The following TMEM115 variants were observed in gnomAD, a reference collection of about 807,000 sequenced individuals.
The protein encoded by TMEM115 is PP6.
TMEM115 carries 8 observed loss-of-function variants against 20.1 expected under a neutral mutation model. The observed-to-expected ratio is 0.40, with a 90% CI of 0.23 to 0.72. The LOEUF (loss-of-function observed/expected upper bound fraction) is 0.72. Among genes scored for constraint, TMEM115 ranks in the 30% least tolerant of loss-of-function variants. The pLI, the probability that TMEM115 is intolerant of heterozygous loss-of-function variation, is 0.39. For missense variants in TMEM115, 374 were observed against 455.1 expected (o/e 0.82, Z 1.62); for synonymous variants, 229 against 206.2 (o/e 1.11, Z -0.95).
Position 50,358,341 on chromosome 3 carries a change from G to A in TMEM115, c.723C>T (p.Asn241=). The A allele has an allele frequency of 8.7e-6, 14 of 1,613,908 alleles. No homozygotes were observed. Among genetic ancestry groups the A allele is most frequent in the Non-Finnish European group, 1.2e-5 (14 of 1,180,032 alleles). ...CCTTCACCAGGAGGCTGTGCACCAA[G>A]TTCGCCAGCAAACCCACCACAGGCT... The part of the protein sequence containing the change: ...ILQPVVGLLA[N]LVHSLLVKVK... Residue 241 remains asparagine, a synonymous_variant, in exon 1 of 2, where the codon AAC becomes AAT. Coordinates refer to ENST00000266025, the MANE Select transcript of TMEM115 (RefSeq NM_007024.5).
chr3:50,355,161 G>T lies in TMEM115; in HGVS notation c.*182C>A. 1 of 447,708 alleles carries T rather than the reference G, an allele frequency of 2.2e-6. No individual in the cohort carries two copies. The highest frequency in any genetic ancestry group is 2.0e-5 in the African/African-American group (1 of 49,400). The allele number at this position is 447,708 out of a possible 1,614,324, so 27.7% of individuals were successfully genotyped here. On this transcript the variant is annotated 3_prime_UTR_variant, in exon 2 of 2. Coordinates refer to ENST00000266025, the MANE Select transcript of TMEM115 (RefSeq NM_007024.5). ...AGGCTCCGGGCCTGGCATAGTGGTTGTCTGGAGTTGGAACCAGGTAGCAAG... is the reference window on the plus strand; with the variant it reads ...AGGCTCCGGGCCTGGCATAGTGGTTTTCTGGAGTTGGAACCAGGTAGCAAG...
In TMEM115 at chr3:50,355,266, T is replaced by G; in HGVS notation, c.*77A>C. ...GCCTTCTTCCCTCTCCTCAGAGCAG[T>G]CAGGTGCCCTGGAGTAGCTGAGAGG... On this transcript the variant is annotated 3_prime_UTR_variant, in exon 2 of 2. Coordinates refer to ENST00000266025, the MANE Select transcript of TMEM115 (RefSeq NM_007024.5). 2 of 1,158,400 alleles carry G rather than the reference T, an allele frequency of 1.7e-6. No individual in the cohort carries two copies. Among genetic ancestry groups the G allele is most frequent in the African/African-American group, 3.2e-5 (2 of 63,256 alleles). The allele number at this position is 1,158,400 out of a possible 1,614,324, so 71.8% of individuals were successfully genotyped here. A position where few individuals can be genotyped will look rare whatever the true frequency, so the allele number is the denominator to read the frequency against.
Position 50,358,744 on chromosome 3 carries a change from A to C in TMEM115, c.320T>G (p.Val107Gly). The C allele has an allele frequency of 6.2e-7, 1 of 1,613,470 alleles. No individual in the cohort carries two copies. Among genetic ancestry groups the C allele is most frequent in the South Asian group, 1.1e-5 (1 of 91,086 alleles). ...GAAGGCCCCCAGCAGCCCTACAGAC[A>C]CATTCACCACTGAGAAGAAGATGAG... ...ELLIFFSVVN[V>G]SVGLLGAFAY... Residue 107 changes from valine (V) to glycine (G), a missense_variant, in exon 1 of 2, where the codon GTG becomes GGG. Transcript: ENST00000266025.
At chr3:50,356,514 A>G (rs1703878422) in intron 1 of TMEM115, among the ~76,000 whole-genome samples, 1 of 152,224 alleles carries the variant, frequency 6.6e-6, no homozygotes, top group South Asian at 2.1e-4. Flanking sequence ...GAGAGGCAAC[A>G]AGGGCACAGG....
At position 50,355,260 on chromosome 3, in the gene TMEM115, G is replaced by C. The variant is rs1703849607; in HGVS notation, c.*83C>G. On this transcript the variant is annotated 3_prime_UTR_variant, in exon 2 of 2. Transcript: ENST00000266025. ...CAGCAGGCCTTCTTCCCTCTCCTCAGAGCAGTCAGGTGCCCTGGAGTAGCT... is the reference window on the plus strand; with the variant it reads ...CAGCAGGCCTTCTTCCCTCTCCTCACAGCAGTCAGGTGCCCTGGAGTAGCT... 1 of 1,109,956 alleles carries C rather than the reference G, an allele frequency of 9.0e-7. No homozygotes were observed. The highest frequency in any genetic ancestry group is 2.7e-5 in the Admixed American group (1 of 36,576). 68.8% of individuals were successfully genotyped at this position (1,109,956 alleles called of 1,614,324 possible).
rs373868314 is a variant in TMEM115 at position 50,358,818 on chromosome 3, C to T, written c.246G>A (p.Val82=). ...VWDVAISLTT[V]VVAGRLLEPL... ...GCTCCAGCAAACGCCCGGCCACCAC[C>T]ACCGTTGTCAGGCTGATGGCCACGT... The change falls in exon 1 of 2, where the codon GTG becomes GTA. Residue 82 remains valine, a synonymous_variant. Coordinates refer to ENST00000266025, the MANE Select transcript of TMEM115 (RefSeq NM_007024.5). 1.2e-6 allele frequency: 2 copies of T among 1,613,308 alleles called. No individual in the cohort carries two copies. Among genetic ancestry groups the T allele is most frequent in the African/African-American group, 2.7e-5 (2 of 75,068 alleles).
chr3:50,359,249 C>T lies in TMEM115; in HGVS notation c.-186G>A. 1 of 994,788 alleles carries T rather than the reference C, an allele frequency of 1.0e-6. No individual in the cohort carries two copies. The highest frequency in any genetic ancestry group is 1.4e-6 in the Non-Finnish European group (1 of 701,380). The allele number at this position is 994,788 out of a possible 1,614,324, so 61.6% of individuals were successfully genotyped here. The stretch of plus-strand genomic sequence containing the variant: ...CGAGGGGCCGAGTCGGGCCTTGTTG[C>T]CGGGCCGCAGCGTAGGCCCCTCGCC... On this transcript the variant is annotated 5_prime_UTR_variant, in exon 1 of 2. Coordinates refer to ENST00000266025, the MANE Select transcript of TMEM115 (RefSeq NM_007024.5).
intron 1 of TMEM115, among the ~76,000 whole-genome samples, chr3:50,356,292 G>A (rs1251227684): frequency 6.6e-6 from 1 of 152,202 alleles, no homozygotes; most frequent in Non-Finnish European, 1.5e-5. Context: ...GGGCAGGTGG[G>A]AAAGTCCAAC....
rs1559863171 is a variant in TMEM115 at position 50,358,601 on chromosome 3, C to A, written c.463G>T (p.Asp155Tyr). The A allele has an allele frequency of 1.2e-6, 2 of 1,612,240 alleles. No homozygotes were observed. Among genetic ancestry groups the A allele is most frequent in the African/African-American group, 2.7e-5 (2 of 75,026 alleles). ...TGGGGCACTCGCAGGACCACACAGT[C>A]CCCCATGGTTTGCTTGAGTGCCACC... ...VLVALKQTMG[D>Y]CVVLRVPQVR... The change falls in exon 1 of 2, where the codon GAC (aspartate) becomes TAC (tyrosine). Residue 155 changes from aspartate (D) to tyrosine (Y), a missense_variant. Physicochemically the swap from Asp to Tyr is radical, Grantham distance 160. Transcript: ENST00000266025.
chr3:50,358,447 C>A lies in TMEM115; in HGVS notation c.617G>T (p.Arg206Leu). The change falls in exon 1 of 2, where the codon CGC (arginine) becomes CTC (leucine). Residue 206 changes from arginine to leucine, a missense_variant. Arg to Leu is a moderately radical substitution (Grantham distance 102). Coordinates refer to ENST00000266025, the MANE Select transcript of TMEM115 (RefSeq NM_007024.5). ...FGLLSSWVYL[R>L]FYQRHSRGRG... ...GCCCCGGCTATGGCGCTGGTAGAAG[C>A]GAAGATATACCCAACTGGAGAGCAG... The A allele has an allele frequency of 2.5e-6, 4 of 1,613,690 alleles. No individual in the cohort carries two copies. The highest frequency in any genetic ancestry group is 3.4e-6 in the Non-Finnish European group (4 of 1,180,050).
rs923449934 is a variant in TMEM115, at chr3:50,358,307, A to G, written c.757T>C (p.Cys253Arg). Residue 253 changes from cysteine (C) to arginine (R), a missense_variant, in exon 1 of 2, where the codon TGC becomes CGC. By Grantham distance (180) the Cys-to-Arg change is radical. Coordinates refer to ENST00000266025, the MANE Select transcript of TMEM115 (RefSeq NM_007024.5). ...VHSLLVKVKI[C>R]QKTVKRYDVG... ...TCGTAGCGCTTCACCGTCTTCTGGC[A>G]TATCTTTACCTTCACCAGGAGGCTG... is the stretch of plus-strand genomic sequence containing the variant. 3.7e-6 allele frequency: 6 copies of G among 1,613,712 alleles called. No individual in the cohort carries two copies. The highest frequency in any genetic ancestry group is 4.2e-6 in the Non-Finnish European group (5 of 1,180,060).
chr3:50,355,429 A>G lies in TMEM115; in HGVS notation c.970T>C (p.Ser324Pro). 1 of 1,591,652 alleles carries G rather than the reference A, an allele frequency of 6.3e-7. No individual in the cohort carries two copies. Among genetic ancestry groups the G allele is most frequent in the Admixed American group, 1.7e-5 (1 of 57,168 alleles). Reference sequence around the variant, plus strand: ...CCTGGGGGTGTGGGAGCTTTGTCTGAGGGCAGGGGGCTGTCCACCTTGGCC... The same window carrying G: ...CCTGGGGGTGTGGGAGCTTTGTCTGGGGGCAGGGGGCTGTCCACCTTGGCC... ...SGAKVDSPLPSDKAPTPPGKG... is the reference protein window; with the variant it reads ...SGAKVDSPLPPDKAPTPPGKG... The change falls in exon 2 of 2, where the codon TCA becomes CCA. Residue 324 changes from serine (S) to proline (P), a missense_variant. Coordinates refer to ENST00000266025, the MANE Select transcript of TMEM115 (RefSeq NM_007024.5).
intron 1 of TMEM115, among the ~76,000 whole-genome samples, chr3:50,357,125 T>A (rs587730519): frequency 6.6e-6 from 1 of 152,238 alleles, no homozygotes; most frequent in Non-Finnish European, 1.5e-5. Context: ...ACCCAAGCTC[T>A]AGGGCCCAGA....
chr3:50,355,045 G>A lies in TMEM115; in HGVS notation c.*298C>T, dbSNP rs370529054. 1.3e-4 allele frequency: 40 copies of A among 308,562 alleles called. No homozygotes were observed. The East Asian group carries it at 1.9e-3, about 14-fold the overall frequency. The allele number at this position is 308,562 out of a possible 1,614,324, so 19.1% of individuals were successfully genotyped here. On this transcript the variant is annotated 3_prime_UTR_variant, in exon 2 of 2. Transcript: ENST00000266025. Reference sequence around the variant, plus strand: ...ATGTGAGGGCCGGCCCAGGAGCTGTGGCATCAGTGTCCCTGCAGCCACTTG... The same window carrying A: ...ATGTGAGGGCCGGCCCAGGAGCTGTAGCATCAGTGTCCCTGCAGCCACTTG...
At chr3:50,357,245 C>G (rs2109379736) in intron 1 of TMEM115, among the ~76,000 whole-genome samples, 1 of 152,312 alleles carries the variant, frequency 6.6e-6, no homozygotes, top group Admixed American at 6.5e-5. Context: ...GGAGTGTGTC[C>G]CACACTCAAT....
chr3:50,359,296 G>C lies in TMEM115; in HGVS notation c.-233C>G, dbSNP rs1703927496. 1.2e-5 allele frequency: 8 copies of C among 646,126 alleles called. No homozygotes were observed. The highest frequency in any genetic ancestry group is 4.4e-4 in the Middle Eastern group (1 of 2,262). 40.0% of individuals were successfully genotyped at this position (646,126 alleles called of 1,614,324 possible). A position where few individuals can be genotyped will look rare whatever the true frequency, so the allele number is the denominator to read the frequency against. On this transcript the variant is annotated 5_prime_UTR_variant, in exon 1 of 2. Transcript: ENST00000266025. ...CGCCCGGGACCTGAGGGAAGGCCCT[G>C]GACGGCTGCGGCACGCCCGCCTACC... is the stretch of plus-strand genomic sequence containing the variant.
At position 50,358,696 on chromosome 3, in the gene TMEM115, G is replaced by A. The variant is rs757806916; in HGVS notation, c.368C>T (p.Ala123Val). 5.0e-6 allele frequency: 8 copies of A among 1,613,544 alleles called. No individual in the cohort carries two copies. In the Admixed American group the frequency reaches 6.7e-5, roughly 13 times the overall value. The change falls in exon 1 of 2, where the codon GCT (alanine) becomes GTT (valine). Residue 123 changes from alanine to valine, a missense_variant. By Grantham distance (64) the Ala-to-Val change is moderately conservative. Coordinates refer to ENST00000266025, the MANE Select transcript of TMEM115 (RefSeq NM_007024.5). ...GAACAGGTAGACCAGGTTGAAGGAA[G>A]CCATGTAGGTGAGGAGGTAGGCGAA... Reference protein sequence around the residue: ...GAFAYLLTYMASFNLVYLFTV... With the variant: ...GAFAYLLTYMVSFNLVYLFTV...
rs750907228 is a variant in TMEM115, at chr3:50,358,710, G to A, written c.354C>T (p.Leu118=). The change falls in exon 1 of 2, where the codon CTC becomes CTT. Residue 118 remains leucine (L), a synonymous_variant. Coordinates refer to ENST00000266025, the MANE Select transcript of TMEM115 (RefSeq NM_007024.5). ...SVGLLGAFAY[L]LTYMASFNLV... is the part of the protein sequence containing the mutation. ...GGTTGAAGGAAGCCATGTAGGTGAGGAGGTAGGCGAAGGCCCCCAGCAGCC... is the reference window on the plus strand; with the variant it reads ...GGTTGAAGGAAGCCATGTAGGTGAGAAGGTAGGCGAAGGCCCCCAGCAGCC... 4 of 1,613,560 alleles carry A rather than the reference G, an allele frequency of 2.5e-6. No individual in the cohort carries two copies. Among genetic ancestry groups the A allele is most frequent in the Non-Finnish European group, 2.5e-6 (3 of 1,180,036 alleles).
chr3:50,355,553 G>A lies in TMEM115; in HGVS notation c.852-6C>T. On this transcript the variant is annotated splice_polypyrimidine_tract_variant and splice_region_variant and intron_variant, in intron 1 of 1. Transcript: ENST00000266025. The stretch of plus-strand genomic sequence containing the variant: ...GTGCCTTCAGGGCCAGTTGCCTGGG[G>A]CCAGAGGAGAGAGGAAAGGTCACTC... 1.3e-6 allele frequency: 2 copies of A among 1,583,576 alleles called. No individual in the cohort carries two copies. Among genetic ancestry groups the A allele is most frequent in the South Asian group, 1.2e-5 (1 of 86,632 alleles).
Sources: gnomAD v4.1 joint callset for allele counts (sites outside exome capture counted in the v4.1 genomes callset) on GRCh38, gnomAD v4.1.1 for gene constraint, MANE v1.5 for transcripts, NCBI Gene and HGNC (gene_info 2026-07-23, HGNC 2026-07-21) for gene names.